VPS26B: variants seen among roughly 807,000 people sequenced by gnomAD.
VPS26B encodes the protein VPS26 retromer complex component B.
Under a neutral mutation model 33.3 loss-of-function variants are expected in VPS26B, and 10 were observed. The ratio of observed to expected loss-of-function variants is 0.30; its 90% CI spans 0.19 to 0.51. The LOEUF (loss-of-function observed/expected upper bound fraction) is 0.51, where lower values mean the gene tolerates loss of function less well. Ranked by LOEUF, VPS26B falls within the 20% of genes least tolerant of loss-of-function variation. VPS26B has a pLI of 0.98. For missense variants in VPS26B, 317 were observed against 452.7 expected, an observed-to-expected ratio of 0.70 and a Z score of 2.72; for synonymous variants, 190 against 176.9, an observed-to-expected ratio of 1.07 and a Z score of -0.59.
chr11:134,229,529 G>A (rs537361817), intron 1 of VPS26B, among the ~76,000 whole-genome samples: 8 of 151,920 alleles, frequency 5.3e-5, no homozygotes, highest in Non-Finnish European at 1.2e-4. Context: ...TCCCCATTTC[G>A]GCCTATGTCA....
intron 1 of VPS26B, among the ~76,000 whole-genome samples, chr11:134,229,066 G>A (rs541665675): frequency 3.5e-4 from 53 of 152,126 alleles, no homozygotes; most frequent in African/African-American, 1.1e-3. Flanking sequence ...GTCTCACTCC[G>A]TCACCCAGGC....
chr11:134,228,744 A>G (rs1938514907), intron 1 of VPS26B, among the ~76,000 whole-genome samples: 1 of 152,198 alleles, frequency 6.6e-6, no homozygotes, highest in East Asian at 1.9e-4. Context: ...GTCATTGTAA[A>G]CTGAGCTTGG....
intron 2 of VPS26B, chr11:134,239,584 G>T (rs1432744506): frequency 1.0e-5 from 2 of 195,478 alleles, no homozygotes; most frequent in Admixed American, 1.1e-4. Context: ...GGACTCCTTT[G>T]CCCCAAAAGC....
Position 134,243,183 on chromosome 11 carries a change from C to T in VPS26B, c.610C>T (p.His204Tyr). Reference protein sequence around the residue: ...YFLLVRIKIKHMEIDIIKRET... With the variant: ...YFLLVRIKIKYMEIDIIKRET... ...CCTGCTGGTGAGAATCAAAATCAAG[C>T]ACATGGAGATAGACATCATCAAGCG... Residue 204 changes from histidine (H) to tyrosine (Y), a missense_variant, in exon 4 of 6, where the codon CAC becomes TAC. His to Tyr is a moderately conservative substitution (Grantham distance 83, BLOSUM62 2). Transcript: ENST00000281187. 1.2e-6 allele frequency: 2 copies of T among 1,614,150 alleles called. No homozygotes were observed. Among genetic ancestry groups the T allele is most frequent in the Non-Finnish European group, 1.7e-6 (2 of 1,180,034 alleles).
rs542416560 is a variant in VPS26B, at chr11:134,245,045, A to C, written c.829A>C (p.Ile277Leu). The change falls in exon 5 of 6, where the codon ATA (isoleucine) becomes CTA (leucine). Residue 277 changes from isoleucine to leucine, a missense_variant. Coordinates refer to ENST00000281187, the MANE Select transcript of VPS26B (RefSeq NM_052875.5). The surrounding 1 kb of genome is among the most constrained non-coding windows in gnomAD (Gnocchi z 4.7). ...SVRYYLNLVL[I>L]DEEERRYFKQ... Reference sequence around the variant, plus strand: ...GCGCTATTACCTCAACCTGGTGCTGATAGACGAGGAGGAGCGGCGCTACTT... The same window carrying C: ...GCGCTATTACCTCAACCTGGTGCTGCTAGACGAGGAGGAGCGGCGCTACTT... 7 of 1,614,174 alleles carry C rather than the reference A, an allele frequency of 4.3e-6. No homozygotes were observed. The South Asian group carries it at 7.7e-5, about 18-fold the overall frequency.
intron 1 of VPS26B, among the ~76,000 whole-genome samples, chr11:134,226,683 C>T (rs1164814762): frequency 6.6e-6 from 1 of 152,202 alleles, no homozygotes; most frequent in African/African-American, 2.4e-5. Context: ...TTTTTAGAGA[C>T]TTCCTTGGGG....
intron 3 of VPS26B, among the ~76,000 whole-genome samples, chr11:134,242,397 G>A (rs1419099568): frequency 6.6e-6 from 1 of 152,224 alleles, no homozygotes; most frequent in African/African-American, 2.4e-5. Context: ...TGTAATATAA[G>A]GAGGCTGAAT....
intron 1 of VPS26B, among the ~76,000 whole-genome samples, chr11:134,230,877 A>G (rs1938546305): frequency 6.6e-6 from 1 of 152,200 alleles, no homozygotes; most frequent in Non-Finnish European, 1.5e-5. Context: ...ATACTTTTCC[A>G]GTGGCTTGGT....
chr11:134,225,639 G>A (rs1246132221), intron 1 of VPS26B, among the ~76,000 whole-genome samples: 1 of 152,184 alleles, frequency 6.6e-6, no homozygotes, highest in Non-Finnish European at 1.5e-5. Flanking sequence ...CATTGTCTCC[G>A]GCATGCACTC....
At chr11:134,236,161 T>A (rs145288824) in intron 2 of VPS26B, among the ~76,000 whole-genome samples, 14 of 149,060 alleles carry the variant, frequency 9.4e-5, no homozygotes, top group African/African-American at 3.6e-4. Context: ...AAAAAAAATT[T>A]TTTTAATTTT....
Position 134,225,259 on chromosome 11 carries a change from T to C in VPS26B, c.137T>C (p.Val46Ala), listed in dbSNP as rs1410702526. 1 of 1,613,998 alleles carries C rather than the reference T, an allele frequency of 6.2e-7. No homozygotes were observed. Among genetic ancestry groups the C allele is most frequent in the Non-Finnish European group, 8.5e-7 (1 of 1,179,954 alleles). ...KYFLFYDGET[V>A]SGKVSLALKN... Reference sequence around the variant, plus strand: ...TTCCTCTTCTACGACGGGGAGACGGTCTCCGGGAAGGTGAGCCTTGCCCTC... The same window carrying C: ...TTCCTCTTCTACGACGGGGAGACGGCCTCCGGGAAGGTGAGCCTTGCCCTC... The change falls in exon 1 of 6, where the codon GTC (valine) becomes GCC (alanine). Residue 46 changes from valine (V) to alanine (A), a missense_variant. Physicochemically the swap from Val to Ala is moderately conservative, Grantham distance 64 (BLOSUM62 0). Coordinates refer to ENST00000281187, the MANE Select transcript of VPS26B (RefSeq NM_052875.5).
Position 134,247,465 on chromosome 11 carries a change from A to G in VPS26B, c.*1875A>G, listed in dbSNP as rs1938855323. The G allele has an allele frequency of 6.6e-6, 1 of 152,328 alleles. No homozygotes were observed. The highest frequency in any genetic ancestry group is 2.4e-5 in the African/African-American group (1 of 41,432). 9.4% of individuals were successfully genotyped at this position (152,328 alleles called of 1,614,324 possible). A position where few individuals can be genotyped will look rare whatever the true frequency, so the allele number is the denominator to read the frequency against. On this transcript the variant is annotated 3_prime_UTR_variant, in exon 6 of 6. Coordinates refer to ENST00000281187, the MANE Select transcript of VPS26B (RefSeq NM_052875.5). ...CTTTCTTCTGGGAGAACTAGAAGACAGAATTTGCTTTGATTCTCTCAGGCG... is the reference window on the plus strand; with the variant it reads ...CTTTCTTCTGGGAGAACTAGAAGACGGAATTTGCTTTGATTCTCTCAGGCG...
chr11:134,242,840 G>A (rs548062909), intron 3 of VPS26B, among the ~76,000 whole-genome samples: 2 of 152,370 alleles, frequency 1.3e-5, no homozygotes, highest in African/African-American at 4.8e-5. Context: ...TAAAGCAGCT[G>A]CATGCTGGGG....
intron 3 of VPS26B, 42 bp from the exon 4 acceptor site, chr11:134,243,077 C>T: frequency 6.2e-7 from 1 of 1,605,086 alleles, no homozygotes. Context: ...AAGGTCTGGC[C>T]ACAGTACCAA....
chr11:134,234,719 GAGA>G (rs1283352682), intron 1 of VPS26B, among the ~76,000 whole-genome samples, 175 bp from the exon 2 acceptor site: 1 of 152,120 alleles, frequency 6.6e-6, no homozygotes, highest in African/African-American at 2.4e-5. Context: ...AAAGCCTTTG[GAGA>G]AGAAGGAGGG....
chr11:134,227,516 G>C (rs760246245), intron 1 of VPS26B, among the ~76,000 whole-genome samples: 1 of 152,156 alleles, frequency 6.6e-6, no homozygotes, highest in Non-Finnish European at 1.5e-5. Context: ...AAATGAAAGG[G>C]AGTTGAAGAA....
rs913360703 is a variant in VPS26B at position 134,240,308 on chromosome 11, A to G, written c.545+153A>G. 6.6e-6 allele frequency among the ~76,000 whole-genome samples: 1 copy of G among 152,142 alleles called. No individual in the cohort carries two copies. The highest frequency in any genetic ancestry group is 1.5e-5 in the Non-Finnish European group (1 of 68,018). On this transcript the variant is annotated intron_variant, in intron 3 of 5. Transcript: ENST00000281187. The surrounding 1 kb of genome is among the most constrained non-coding windows in gnomAD (Gnocchi z 4.4). ...CGTGGGAGCAATCCAGTGAGTGTCT[A>G]TGGCAGGCCAGCTGCAGCTGGACCG...
Position 134,225,195 on chromosome 11 carries a change from G to A in VPS26B, c.73G>A (p.Ala25Thr), listed in dbSNP as rs899357583. ...LLNDAESRKR[A>T]EHKTEDGKKE... is the part of the protein sequence containing the mutation. Reference sequence around the variant, plus strand: ...GAACGATGCAGAGAGTAGGAAGCGGGCCGAGCACAAGACGGAGGACGGGAA... The same window carrying A: ...GAACGATGCAGAGAGTAGGAAGCGGACCGAGCACAAGACGGAGGACGGGAA... The change falls in exon 1 of 6, where the codon GCC becomes ACC. Residue 25 changes from alanine to threonine, a missense_variant. By Grantham distance (58) the Ala-to-Thr change is moderately conservative. Transcript: ENST00000281187. 2.5e-6 allele frequency: 4 copies of A among 1,614,186 alleles called. No individual in the cohort carries two copies. Among genetic ancestry groups the A allele is most frequent in the Non-Finnish European group, 3.4e-6 (4 of 1,179,992 alleles).
chr11:134,224,700 A>G lies in VPS26B; in HGVS notation c.-423A>G, dbSNP rs1030950106. The G allele has an allele frequency of 6.6e-6, 1 of 151,296 alleles. No individual in the cohort carries two copies. Among genetic ancestry groups the G allele is most frequent in the Non-Finnish European group, 1.5e-5 (1 of 67,832 alleles). 9.4% of individuals were successfully genotyped at this position (151,296 alleles called of 1,614,324 possible). On this transcript the variant is annotated 5_prime_UTR_variant, in exon 1 of 6. Coordinates refer to ENST00000281187, the MANE Select transcript of VPS26B (RefSeq NM_052875.5). ...CCGCCGAAGCGCCTCGGTGCGTTGC[A>G]CCGCCGGAGGCTGGGCAGCTCGCAG...
Sources: gnomAD v4.1 joint callset for allele counts (sites outside exome capture counted in the v4.1 genomes callset) on GRCh38, gnomAD v4.1.1 for gene constraint, Gnocchi (gnomAD v3.1) non-coding constraint, MANE v1.5 for transcripts, NCBI Gene and HGNC (gene_info 2026-07-23, HGNC 2026-07-21) for gene names.